Variants in FGD5 observed in about 807,000 individuals in gnomAD.
The protein encoded by FGD5 is FYVE, RhoGEF and PH domain-containing protein 5.
Under a neutral mutation model 133.4 loss-of-function variants are expected in FGD5, and 28 were observed. The ratio of observed to expected loss-of-function variants is 0.21; its 90% CI spans 0.16 to 0.29. FGD5 has a LOEUF of 0.29. FGD5 is among the 10% of genes least tolerant of loss of function. FGD5 has a pLI of 1.00. For synonymous variants in FGD5, 810 were observed against 776.5 expected, an observed-to-expected ratio of 1.04 and a Z score of -0.72; for missense variants, 1,858 against 1,895.2, an observed-to-expected ratio of 0.98 and a Z score of 0.36.
rs183404042 is a variant in FGD5 at position 14,915,695 on chromosome 3, C to T, written c.3406-1554C>T. ...CAGAGCTCACCCTAGTTCATGTTGG[C>T]ATCGTGTGTACAGGGCTCACTTTGG... On this transcript the variant is annotated intron_variant, in intron 11 of 19. Coordinates refer to ENST00000285046, the MANE Select transcript of FGD5 (RefSeq NM_152536.4). Among the ~76,000 whole-genome samples the T allele has an allele frequency of 1.1e-4, 16 of 152,236 alleles. No individual in the cohort carries two copies. In the East Asian group the frequency reaches 3.1e-3, roughly 29 times the overall value.
rs537415786 is a variant in FGD5 at position 14,922,778 on chromosome 3, C to T, written c.3807+230C>T. Among the ~76,000 whole-genome samples the T allele has an allele frequency of 6.6e-6, 1 of 152,262 alleles. No individual in the cohort carries two copies. Among genetic ancestry groups the T allele is most frequent in the African/African-American group, 2.4e-5 (1 of 41,534 alleles). ...ACACCACCACGTTTTCAACAGAAAACCGTAGCATACGTGGCTATTGTGCTT... is the reference window on the plus strand; with the variant it reads ...ACACCACCACGTTTTCAACAGAAAATCGTAGCATACGTGGCTATTGTGCTT... On this transcript the variant is annotated intron_variant, in intron 15 of 19. Transcript: ENST00000285046. The surrounding 1 kb of genome is among the most constrained non-coding windows in gnomAD (Gnocchi z 4.1).
chr3:14,915,529 C>T (rs1357530285), intron 11 of FGD5, among the ~76,000 whole-genome samples: 1 of 151,952 alleles, frequency 6.6e-6, no homozygotes, highest in Non-Finnish European at 1.5e-5. Flanking sequence ...ATGTGTAGAG[C>T]GTTCACTTTG....
intron 17 of FGD5, among the ~76,000 whole-genome samples, chr3:14,925,585 C>A (rs895777225): frequency 9.2e-5 from 14 of 152,104 alleles, no homozygotes; most frequent in African/African-American, 3.4e-4. Flanking sequence ...TACTACTACC[C>A]CCCGCCACCA....
intron 10 of FGD5, among the ~76,000 whole-genome samples, 162 bp downstream of exon 10, chr3:14,907,873 C>T (rs924719788): frequency 1.3e-5 from 2 of 152,166 alleles, no homozygotes; most frequent in African/African-American, 2.4e-5. Context: ...TTCTCCTGGC[C>T]GCAGTCCTAG....
chr3:14,857,658 A>G (rs1030679329), intron 1 of FGD5, among the ~76,000 whole-genome samples: 25 of 152,116 alleles, frequency 1.6e-4, no homozygotes, highest in African/African-American at 6.0e-4. Context: ...GGGCCTTTCT[A>G]CTGGTTCTGA....
intron 2 of FGD5, among the ~76,000 whole-genome samples, chr3:14,870,626 C>G (rs564059523): frequency 6.6e-6 from 1 of 152,310 alleles, no homozygotes; most frequent in East Asian, 1.9e-4. Flanking sequence ...GCCCCCAGAC[C>G]CCATCCTTCA....
upstream of FGD5, chr3:14,818,943 T>C: frequency 6.9e-7 from 1 of 1,439,504 alleles, no homozygotes; most frequent in South Asian, 1.5e-5. Flanking sequence ...TTTTCTCTAT[T>C]TTTGTCATCT....
At chr3:14,856,809 A>G (rs1027180105) in intron 1 of FGD5, among the ~76,000 whole-genome samples, 2 of 151,714 alleles carry the variant, frequency 1.3e-5, no homozygotes, top group Admixed American at 1.3e-4. Flanking sequence ...TTCTATATAT[A>G]AGATTATGTC....
intron 18 of FGD5, among the ~76,000 whole-genome samples, chr3:14,926,540 T>G (rs1229526367): frequency 5.9e-5 from 9 of 152,278 alleles, no homozygotes; most frequent in Non-Finnish European, 1.3e-4. Context: ...CTTCCTACTG[T>G]CTGCTTAGAT....
At position 14,933,933 on chromosome 3, in the gene FGD5, A is replaced by G. The variant is rs891516821; in HGVS notation, c.*766A>G. 7.2e-6 allele frequency: 1 copy of G among 138,732 alleles called. No homozygotes were observed. The highest frequency in any genetic ancestry group is 2.5e-5 in the African/African-American group (1 of 39,318). The allele number at this position is 138,732 out of a possible 1,614,324, so 8.6% of individuals were successfully genotyped here. On this transcript the variant is annotated 3_prime_UTR_variant, in exon 20 of 20. Coordinates refer to ENST00000285046, the MANE Select transcript of FGD5 (RefSeq NM_152536.4). ...CTCCCCCAGAGCAGTCCTCAACACT[A>G]TGTCAGTGCTGGAAATGCAGCCACT...
chr3:14,842,458 C>T (rs888384325), intron 1 of FGD5, among the ~76,000 whole-genome samples: 3 of 152,254 alleles, frequency 2.0e-5, no homozygotes, highest in Non-Finnish European at 2.9e-5. Flanking sequence ...CAGAGCCCAT[C>T]TCAGGCCTCT....
intron 1 of FGD5, among the ~76,000 whole-genome samples, chr3:14,829,921 C>T (rs1575192963): frequency 6.6e-6 from 1 of 152,128 alleles, no homozygotes; most frequent in East Asian, 1.9e-4. Context: ...TTTTTTACTA[C>T]CGTAGACAGC....
chr3:14,843,611 A>G (rs370288196), intron 1 of FGD5, among the ~76,000 whole-genome samples: 1 of 151,050 alleles, frequency 6.6e-6, no homozygotes, highest in East Asian at 1.9e-4. Flanking sequence ...AGTGGTTTCC[A>G]TGGACAAGGC....
At position 14,820,151 on chromosome 3, in the gene FGD5, G is replaced by A; in HGVS notation, c.1080G>A (p.Glu360=). The A allele has an allele frequency of 1.9e-6, 3 of 1,614,020 alleles. No homozygotes were observed. Among genetic ancestry groups the A allele is most frequent in the Non-Finnish European group, 1.7e-6 (2 of 1,179,872 alleles). ...FPTESTSFCS[E]SCSPLSESAK... ...CTGAGAGCACCTCTTTTTGCAGCGAGAGCTGTTCTCCTCTTTCTGAATCAG... is the reference window on the plus strand; with the variant it reads ...CTGAGAGCACCTCTTTTTGCAGCGAAAGCTGTTCTCCTCTTTCTGAATCAG... The change falls in exon 1 of 20, where the codon GAG becomes GAA. Residue 360 remains glutamate, a synonymous_variant. Coordinates refer to ENST00000285046, the MANE Select transcript of FGD5 (RefSeq NM_152536.4).
chr3:14,815,255 G>A (rs888719654), upstream of FGD5, among the ~76,000 whole-genome samples: 15 of 151,812 alleles, frequency 9.9e-5, no homozygotes, highest in South Asian at 6.2e-4. Flanking sequence ...GCTGTTTCTT[G>A]GATGCCAAGT....
chr3:14,856,803 A>G (rs1352673324), intron 1 of FGD5, among the ~76,000 whole-genome samples: 1 of 152,154 alleles, frequency 6.6e-6, no homozygotes, highest in African/African-American at 2.4e-5. Context: ...AGGGTTTTCT[A>G]TATATAAGAT....
chr3:14,930,872 A>G (rs1323730113), intron 18 of FGD5: 1 of 152,054 alleles, frequency 6.6e-6, no homozygotes, highest in African/African-American at 2.4e-5. Context: ...TGTGAATGGC[A>G]TTTATTTTAT....
chr3:14,900,451 A>T lies in FGD5; in HGVS notation c.3203A>T (p.Gln1068Leu), dbSNP rs778213559. 2 of 1,613,298 alleles carry T rather than the reference A, an allele frequency of 1.2e-6. No individual in the cohort carries two copies. The highest frequency in any genetic ancestry group is 2.2e-5 in the South Asian group (2 of 90,826). ...CPDSAEYDNT[Q>L]GALSLISKVT... ...GACTCCGCCGAGTACGACAACACAC[A>T]GGGTGAGTCCAGCGTGAATGCGGAG... Residue 1068 changes from glutamine (Q) to leucine (L), a missense_variant and splice_region_variant, in exon 8 of 20, where the codon CAG becomes CTG. This residue lies in a region of FGD5 where 1,824 missense variants were observed against 1,848.9 expected (regional missense o/e 0.99). Transcript: ENST00000285046.
intron 11 of FGD5, among the ~76,000 whole-genome samples, chr3:14,916,312 T>C (rs2038552692): frequency 6.6e-6 from 1 of 152,226 alleles, no homozygotes; most frequent in South Asian, 2.1e-4. Flanking sequence ...CTGAGCGTGA[T>C]GTCATCTTCT....
Sources: allele counts gnomAD v4.1 joint callset (sites outside exome capture counted in the v4.1 genomes callset), GRCh38; gene constraint gnomAD v4.1.1; regional missense constraint gnomAD v4.1.1; non-coding constraint Gnocchi (gnomAD v3.1); transcripts MANE v1.5; gene names NCBI Gene and HGNC (gene_info 2026-07-23, HGNC 2026-07-21).